The following ADAMTS12 variants were observed in gnomAD, a reference collection of about 807,000 sequenced individuals.
ADAMTS12 encodes ADAM metallopeptidase with thrombospondin type 1 motif 12.
ADAMTS12 carries 118 observed loss-of-function variants against 167.8 expected under a neutral mutation model. That is an observed-to-expected ratio of 0.70 (90% CI 0.61 to 0.82). The LOEUF (loss-of-function observed/expected upper bound fraction) is 0.82, where lower values mean the gene tolerates loss of function less well. Ranked by LOEUF, ADAMTS12 falls within the 40% of genes least tolerant of loss-of-function variation. ADAMTS12 has a pLI of 0.00. For missense variants in ADAMTS12, 1,916 were observed against 1,998.8 expected (o/e 0.96, Z 0.79); for synonymous variants, 704 against 716.9 (o/e 0.98, Z 0.29).
At chr5:33,730,074 G>C (rs1744129979) in intron 3 of ADAMTS12, among the ~76,000 whole-genome samples, 1 of 152,196 alleles carries the variant, frequency 6.6e-6, no homozygotes, top group South Asian at 2.1e-4. Flanking sequence ...TCCACCCTGA[G>C]GCTCTTGACG....
chr5:33,536,115 T>C (rs1744390903), intron 22 of ADAMTS12, among the ~76,000 whole-genome samples: 1 of 152,198 alleles, frequency 6.6e-6, no homozygotes, highest in South Asian at 2.1e-4. Flanking sequence ...TGAGGTAAAA[T>C]ATATAAAGCA....
At chr5:33,533,921 C>G (rs1744243919) in intron 23 of ADAMTS12, among the ~76,000 whole-genome samples, 1 of 152,204 alleles carries the variant, frequency 6.6e-6, no homozygotes, top group African/African-American at 2.4e-5. Flanking sequence ...AAATTATGGG[C>G]ATTAGCCTTT....
At chr5:33,545,400 T>C (rs1047582096) in intron 22 of ADAMTS12, among the ~76,000 whole-genome samples, 2 of 152,202 alleles carry the variant, frequency 1.3e-5, no homozygotes, top group African/African-American at 4.8e-5. Context: ...GGAATGCTTT[T>C]ACGCTGTTGG....
intron 2 of ADAMTS12, among the ~76,000 whole-genome samples, chr5:33,768,633 T>C (rs965349194): frequency 6.6e-6 from 1 of 152,198 alleles, no homozygotes; most frequent in African/African-American, 2.4e-5. Context: ...CCAAATAATT[T>C]ATAAGGTTTT....
intron 14 of ADAMTS12, among the ~76,000 whole-genome samples, chr5:33,622,955 A>G (rs1009193819): frequency 6.6e-6 from 1 of 152,254 alleles, no homozygotes; most frequent in Non-Finnish European, 1.5e-5. Flanking sequence ...CAGGACAAGC[A>G]TTACATCTCA....
At chr5:33,597,943 C>T (rs754614512) in intron 16 of ADAMTS12, among the ~76,000 whole-genome samples, 7 of 152,064 alleles carry the variant, frequency 4.6e-5, no homozygotes, top group Non-Finnish European at 8.8e-5. Context: ...GGAAACATTC[C>T]GAAAAGGCTT....
intron 23 of ADAMTS12, among the ~76,000 whole-genome samples, chr5:33,530,210 G>A (rs143316374): frequency 1.2e-3 from 181 of 152,292 alleles, no homozygotes; most frequent in African/African-American, 4.2e-3. Flanking sequence ...ACAGGTGTGA[G>A]CCACTGTGCC....
intron 19 of ADAMTS12, among the ~76,000 whole-genome samples, chr5:33,564,544 T>C (rs1038337140): frequency 6.6e-6 from 1 of 152,204 alleles, no homozygotes; most frequent in African/African-American, 2.4e-5. Context: ...GGCAGTCTCA[T>C]GTCTTGTGCA....
At chr5:33,874,183 A>G (rs1750140927) in intron 2 of ADAMTS12, among the ~76,000 whole-genome samples, 1 of 152,230 alleles carries the variant, frequency 6.6e-6, no homozygotes, top group African/African-American at 2.4e-5. Context: ...CATCTGATAA[A>G]TCAACTGCTG....
chr5:33,528,681 TA>T (rs1743939892), intron 23 of ADAMTS12, among the ~76,000 whole-genome samples: 1 of 152,246 alleles, frequency 6.6e-6, no homozygotes, highest in Non-Finnish European at 1.5e-5. Context: ...CAGGCAGTCT[TA>T]ACTCTAGAGC....
intron 2 of ADAMTS12, among the ~76,000 whole-genome samples, chr5:33,874,645 C>T (rs964452788): frequency 6.6e-6 from 1 of 152,196 alleles, no homozygotes; most frequent in African/African-American, 2.4e-5. Flanking sequence ...TTTATAGCAA[C>T]GTTATCAATA....
intron 19 of ADAMTS12, among the ~76,000 whole-genome samples, chr5:33,571,638 G>A (rs1746357463): frequency 2.0e-5 from 3 of 151,314 alleles, no homozygotes; most frequent in Admixed American, 6.6e-5. Context: ...GCCCACAAGA[G>A]AAAGCAGGAA....
At chr5:33,775,408 G>A (rs570594785) in intron 2 of ADAMTS12, among the ~76,000 whole-genome samples, 2 of 152,250 alleles carry the variant, frequency 1.3e-5, no homozygotes, top group South Asian at 4.1e-4. Context: ...TTTGCTCACA[G>A]CCCTTACAGA....
At chr5:33,585,110 T>A (rs935160407) in intron 18 of ADAMTS12, among the ~76,000 whole-genome samples, 4 of 152,196 alleles carry the variant, frequency 2.6e-5, no homozygotes, top group Non-Finnish European at 5.9e-5. Flanking sequence ...GCATAGGTTT[T>A]TACAAAGTAT....
chr5:33,656,275 A>C (rs377552640), intron 7 of ADAMTS12, among the ~76,000 whole-genome samples: 1 of 152,146 alleles, frequency 6.6e-6, no homozygotes, highest in South Asian at 2.1e-4. Flanking sequence ...ATCTACCACT[A>C]TTTGTTTTTA....
At chr5:33,844,311 A>C (rs556004442) in intron 2 of ADAMTS12, among the ~76,000 whole-genome samples, 1 of 152,384 alleles carries the variant, frequency 6.6e-6, no homozygotes, top group East Asian at 1.9e-4. Context: ...CCGGTGAGCC[A>C]GGCGGAACAG....
intron 20 of ADAMTS12, among the ~76,000 whole-genome samples, chr5:33,552,810 C>T (rs1367077960): frequency 6.6e-6 from 1 of 152,072 alleles, no homozygotes; most frequent in African/African-American, 2.4e-5. Context: ...GCTGATGCCT[C>T]CACCTTTGTT....
chr5:33,820,819 C>T (rs929317745), intron 2 of ADAMTS12, among the ~76,000 whole-genome samples: 1 of 152,076 alleles, frequency 6.6e-6, no homozygotes, highest in Non-Finnish European at 1.5e-5. Flanking sequence ...ATGTCCTTTG[C>T]AAGGACATGG....
intron 2 of ADAMTS12, among the ~76,000 whole-genome samples, chr5:33,777,253 G>A (rs188683119): frequency 1.3e-5 from 2 of 151,114 alleles, no homozygotes; most frequent in African/African-American, 4.9e-5. Flanking sequence ...TATCTCTGAT[G>A]AACCAAGATG....
Sources: gnomAD v4.1 joint callset for allele counts (sites outside exome capture counted in the v4.1 genomes callset) on GRCh38, gnomAD v4.1.1 for gene constraint, MANE v1.5 for transcripts, NCBI Gene and HGNC (gene_info 2026-07-23, HGNC 2026-07-21) for gene names.